NEURL1B: variants seen among roughly 807,000 people sequenced by gnomAD.
NEURL1B encodes neuralized E3 ubiquitin protein ligase 1B, also known as E3 ubiquitin-protein ligase NEURL1B.
A neutral mutation model predicts 37.4 loss-of-function variants in NEURL1B; 13 were observed. The observed-to-expected ratio is 0.35, with a 90% CI of 0.23 to 0.55. The LOEUF (loss-of-function observed/expected upper bound fraction) is 0.55, where lower values mean the gene tolerates loss of function less well. NEURL1B is among the 20% of genes least tolerant of loss of function. NEURL1B has a pLI of 0.89. For synonymous variants in NEURL1B, 432 were observed against 426.6 expected (o/e 1.01, Z -0.16); for missense variants, 790 against 879.2 (o/e 0.90, Z 1.28).
rs1758596727 is a variant in NEURL1B, at chr5:172,689,750, G to A, written c.*2825G>A. The A allele has an allele frequency of 6.6e-6, 1 of 152,230 alleles. No homozygotes were observed. Among genetic ancestry groups the A allele is most frequent in the East Asian group, 1.9e-4 (1 of 5,198 alleles). The allele number at this position is 152,230 out of a possible 1,614,324, so 9.4% of individuals were successfully genotyped here. ...CTCGAGACTGTGAGTTTTCTCCCTTGAAACTCACCTGGAGAGAGTCCGGGC... is the reference window on the plus strand; with the variant it reads ...CTCGAGACTGTGAGTTTTCTCCCTTAAAACTCACCTGGAGAGAGTCCGGGC... On this transcript the variant is annotated 3_prime_UTR_variant, in exon 5 of 5. Coordinates refer to ENST00000369800, the MANE Select transcript of NEURL1B (RefSeq NM_001142651.3).
At position 172,676,109 on chromosome 5, in the gene NEURL1B, T is replaced by C. The variant is rs1758228162; in HGVS notation, c.577+5779T>C. 6.7e-6 allele frequency among the ~76,000 whole-genome samples: 1 copy of C among 148,672 alleles called. No homozygotes were observed. Among genetic ancestry groups the C allele is most frequent in the Non-Finnish European group, 1.5e-5 (1 of 67,540 alleles). On this transcript the variant is annotated intron_variant, in intron 2 of 4. Transcript: ENST00000369800. This position sits in a 1 kb window ranked among gnomAD's most constrained non-coding sequence, Gnocchi z 4.5. ...GCATAGCAGACCATATTGTCAGAAA[T>C]CTTTGGTTGCAAGGGACAGAAACTC...
At chr5:172,663,372 T>G (rs901305713) in intron 1 of NEURL1B, among the ~76,000 whole-genome samples, 8 of 149,674 alleles carry the variant, frequency 5.3e-5, no homozygotes. Context: ...AATACAAAAA[T>G]TAGCCAGGTG....
intron 1 of NEURL1B, among the ~76,000 whole-genome samples, chr5:172,662,465 G>A (rs1175813724): frequency 6.6e-6 from 1 of 152,174 alleles, no homozygotes; most frequent in African/African-American, 2.4e-5. Context: ...TTTCCCATGG[G>A]GAAGGGAAGG....
intron 1 of NEURL1B, among the ~76,000 whole-genome samples, chr5:172,642,619 G>A (rs1381835457): frequency 2.0e-5 from 3 of 152,212 alleles, no homozygotes; most frequent in South Asian, 2.1e-4. Flanking sequence ...CCCCTGGAGC[G>A]GGTTGAAGTG....
intron 2 of NEURL1B, among the ~76,000 whole-genome samples, chr5:172,678,984 A>G (rs371144793): frequency 9.9e-5 from 15 of 152,236 alleles, no homozygotes; most frequent in South Asian, 4.1e-4. Flanking sequence ...GTGGGAGGTC[A>G]GGGGCCTGTC....
rs1758569229 is a variant in NEURL1B at position 172,688,923 on chromosome 5, TG to T, written c.*1999del. Reference sequence around the variant, plus strand: ...GCAGACAACCGTCTCCTGTCTACACTGCGACCCAGCCACAAGCTGTGGGGTC... The same window carrying T: ...GCAGACAACCGTCTCCTGTCTACACTCGACCCAGCCACAAGCTGTGGGGTC... On this transcript the variant is annotated 3_prime_UTR_variant, in exon 5 of 5. Transcript: ENST00000369800. The surrounding 1 kb of genome is among the most constrained non-coding windows in gnomAD (Gnocchi z 4.3). The T allele has an allele frequency of 6.6e-6, 1 of 152,224 alleles. No individual in the cohort carries two copies. The highest frequency in any genetic ancestry group is 1.5e-5 in the Non-Finnish European group (1 of 68,042). The allele number at this position is 152,224 out of a possible 1,614,324, so 9.4% of individuals were successfully genotyped here.
intron 3 of NEURL1B, 143 bp downstream of exon 3, chr5:172,684,281 G>A: frequency 1.4e-6 from 1 of 699,970 alleles, no homozygotes; most frequent in Non-Finnish European, 1.9e-6. Context: ...AACTTTAAGC[G>A]CCCGGGCACG....
intron 1 of NEURL1B, among the ~76,000 whole-genome samples, chr5:172,649,827 A>G (rs1757627819): frequency 6.6e-6 from 1 of 152,186 alleles, no homozygotes; most frequent in African/African-American, 2.4e-5. Context: ...ACTTTCAGAT[A>G]GCGGCAGGTG....
At position 172,690,271 on chromosome 5, in the gene NEURL1B, CT is replaced by C. The variant is rs1276546787; in HGVS notation, c.*3347del. On this transcript the variant is annotated 3_prime_UTR_variant, in exon 5 of 5. Coordinates refer to ENST00000369800, the MANE Select transcript of NEURL1B (RefSeq NM_001142651.3). ...GCAGGTTCTCAGAACGGGGAGTCCC[CT>C]GGGATGGAGCTGCTCCCCTCACGGC... The C allele has an allele frequency of 6.6e-6, 1 of 152,260 alleles. No individual in the cohort carries two copies. The highest frequency in any genetic ancestry group is 1.5e-5 in the Non-Finnish European group (1 of 68,066). 9.4% of individuals were successfully genotyped at this position (152,260 alleles called of 1,614,324 possible). A position where few individuals can be genotyped will look rare whatever the true frequency, so the allele number is the denominator to read the frequency against.
rs1758408738 is a variant in NEURL1B, at chr5:172,683,523, G to C, written c.682G>C (p.Glu228Gln). 2.7e-6 allele frequency: 4 copies of C among 1,500,742 alleles called. No homozygotes were observed. The Admixed American group carries it at 6.3e-5, about 24-fold the overall frequency. The allele number at this position is 1,500,742 out of a possible 1,614,324, so 93.0% of individuals were successfully genotyped here. The part of the protein sequence containing the change: ...SHDAANFDNN[E>Q]LENNQVVAKL... ...CGACGCGGCCAACTTCGACAACAACGAGCTCGAGAACAACCAGGTGGTGGC... is the reference window on the plus strand; with the variant it reads ...CGACGCGGCCAACTTCGACAACAACCAGCTCGAGAACAACCAGGTGGTGGC... The change falls in exon 3 of 5, where the codon GAG (glutamate) becomes CAG (glutamine). Residue 228 changes from glutamate to glutamine, a missense_variant. Glu to Gln is a conservative substitution (Grantham distance 29). Around this residue, in one of 3 missense-constraint regions of NEURL1B, gnomAD observed 460 missense variants for 407.4 expected, o/e 1.13. Coordinates refer to ENST00000369800, the MANE Select transcript of NEURL1B (RefSeq NM_001142651.3). The surrounding 1 kb of genome is among the most constrained non-coding windows in gnomAD (Gnocchi z 5.6).
chr5:172,679,341 A>G (rs146756884), intron 2 of NEURL1B, among the ~76,000 whole-genome samples: 2 of 152,346 alleles, frequency 1.3e-5, no homozygotes, highest in East Asian at 3.9e-4. Flanking sequence ...AGTGGTGAGG[A>G]CCAAAGGGGA....
rs1758541236 is a variant in NEURL1B at position 172,687,767 on chromosome 5, C to T, written c.*842C>T. ...CCTTCCCTATCTCCAAGGAGAAGAC[C>T]AGCAGTAAGTTCTGTTTTTCTGTGG... On this transcript the variant is annotated 3_prime_UTR_variant, in exon 5 of 5. Coordinates refer to ENST00000369800, the MANE Select transcript of NEURL1B (RefSeq NM_001142651.3). 1.3e-5 allele frequency: 2 copies of T among 151,998 alleles called. No homozygotes were observed. The allele number at this position is 151,998 out of a possible 1,614,324, so 9.4% of individuals were successfully genotyped here.
chr5:172,662,712 A>C (rs1236906817), intron 1 of NEURL1B, among the ~76,000 whole-genome samples: 2 of 152,184 alleles, frequency 1.3e-5, no homozygotes, highest in Non-Finnish European at 2.9e-5. Context: ...CCACCCAGGA[A>C]GCAGTTCTTA....
chr5:172,681,408 C>T (rs986802072), intron 2 of NEURL1B, among the ~76,000 whole-genome samples: 1 of 152,180 alleles, frequency 6.6e-6, no homozygotes, highest in Non-Finnish European at 1.5e-5. Flanking sequence ...GACAAATGCA[C>T]ACATATGTAC....
rs1757988501 is a variant in NEURL1B at position 172,665,350 on chromosome 5, C to T, written c.32-4435C>T. 6.6e-6 allele frequency among the ~76,000 whole-genome samples: 1 copy of T among 152,210 alleles called. No homozygotes were observed. Among genetic ancestry groups the T allele is most frequent in the Admixed American group, 6.5e-5 (1 of 15,290 alleles). ...CTGAGCTATCTCTGCCGATGGTCTG[C>T]ACCCGGGTGCTGTTTCCCCTGCTCA... On this transcript the variant is annotated intron_variant, in intron 1 of 4. Coordinates refer to ENST00000369800, the MANE Select transcript of NEURL1B (RefSeq NM_001142651.3). This position sits in a 1 kb window ranked among gnomAD's most constrained non-coding sequence, Gnocchi z 4.1.
At chr5:172,656,545 C>T in intron 1 of NEURL1B, 1 of 1,610,358 alleles carries the variant, frequency 6.2e-7, no homozygotes, top group Non-Finnish European at 8.5e-7. Flanking sequence ...TTCTTAATTC[C>T]ACCTATGGCC....
intron 1 of NEURL1B, among the ~76,000 whole-genome samples, chr5:172,663,618 GT>G (rs1757945810): frequency 6.6e-6 from 1 of 150,832 alleles, no homozygotes; most frequent in South Asian, 2.1e-4. Context: ...TCTCCACTGA[GT>G]CCCCACCTCA....
intron 2 of NEURL1B, among the ~76,000 whole-genome samples, chr5:172,671,040 T>C (rs1053332029): frequency 6.6e-6 from 1 of 152,184 alleles, no homozygotes; most frequent in Non-Finnish European, 1.5e-5. Flanking sequence ...AGACCTTTTT[T>C]TAAAAATTGA....
intron 2 of NEURL1B, among the ~76,000 whole-genome samples, chr5:172,673,416 G>C (rs1561649327): frequency 3.9e-5 from 6 of 152,060 alleles, no homozygotes. Context: ...CTTTAGAGCT[G>C]CTCAGTTGTA....
Sources: gnomAD v4.1 joint callset for allele counts (sites outside exome capture counted in the v4.1 genomes callset) on GRCh38, gnomAD v4.1.1 for gene constraint, gnomAD v4.1.1 regional missense constraint, Gnocchi (gnomAD v3.1) non-coding constraint, MANE v1.5 for transcripts, NCBI Gene and HGNC (gene_info 2026-07-23, HGNC 2026-07-21) for gene names.